Variants in SDK1 observed in about 807,000 individuals in gnomAD.
SDK1 encodes sidekick cell adhesion molecule 1, also known as protein sidekick-1.
In SDK1, 157 loss-of-function variants were observed where a neutral mutation model predicts 245.5. That is an observed-to-expected ratio of 0.64 (90% CI 0.56 to 0.73). The LOEUF is 0.73. SDK1 is among the 30% of genes least tolerant of loss of function. The pLI is 0.00. For synonymous variants in SDK1, 1,647 were observed against 1,278.5 expected (o/e 1.29, Z -6.15); for missense variants, 3,583 against 3,002.3 (o/e 1.19, Z -4.52).
intron 5 of SDK1, among the ~76,000 whole-genome samples, chr7:3,872,009 A>T (rs574015156): frequency 1.2e-3 from 178 of 152,288 alleles, no homozygotes; most frequent in Non-Finnish European, 1.9e-3. Flanking sequence ...AGTTTTTGTT[A>T]TGAACTTTCT....
rs754101246 is a variant in SDK1 at position 3,945,899 on chromosome 7, TAAAAAAAAAAAAAAAA to T, written c.848-5005_848-4990del. Among the ~76,000 whole-genome samples the T allele has an allele frequency of 6.1e-3, 84 of 13,686 alleles. 2 individuals carry two copies. In the South Asian group the frequency reaches 0.068, roughly 11 times the overall value. The allele number at this position is 13,686 out of a possible 152,430, so 9.0% of individuals were successfully genotyped here. On this transcript the variant is annotated intron_variant, in intron 5 of 44. Coordinates refer to ENST00000404826, the MANE Select transcript of SDK1 (RefSeq NM_152744.4). ...GGGCAACAGAGCAAGACTCTGTCTG[TAAAAAAAAAAAAAAAA>T]AAAAAAAAAAAAAAAAAAGATAAAG...
chr7:3,885,919 A>G (rs541878263), intron 5 of SDK1, among the ~76,000 whole-genome samples: 2 of 152,308 alleles, frequency 1.3e-5, no homozygotes, highest in Admixed American at 6.5e-5. Context: ...GAATTCTCCC[A>G]CTTACTCCTA....
chr7:3,740,811 AT>A (rs1779456621), intron 4 of SDK1, among the ~76,000 whole-genome samples: 1 of 152,306 alleles, frequency 6.6e-6, no homozygotes, highest in South Asian at 2.1e-4. Flanking sequence ...AAAAATGTTG[AT>A]TTCACAATTT....
chr7:4,145,028 T>C (rs1584282727), intron 28 of SDK1, among the ~76,000 whole-genome samples: 1 of 151,384 alleles, frequency 6.6e-6, no homozygotes, highest in Non-Finnish European at 1.5e-5. Flanking sequence ...TGGAGAGGAG[T>C]GATCGTTAAT....
At chr7:3,746,970 G>A (rs1472395788) in intron 4 of SDK1, among the ~76,000 whole-genome samples, 1 of 152,196 alleles carries the variant, frequency 6.6e-6, no homozygotes, top group Non-Finnish European at 1.5e-5. Context: ...GTCATCATCC[G>A]TGGCAGCTAT....
chr7:3,377,879 A>G (rs1259999810), intron 1 of SDK1, among the ~76,000 whole-genome samples: 1 of 152,112 alleles, frequency 6.6e-6, no homozygotes, highest in Non-Finnish European at 1.5e-5. Context: ...CCTGGGCTCA[A>G]GCAATTCTCC....
At chr7:3,694,025 G>A (rs1433468359) in intron 4 of SDK1, among the ~76,000 whole-genome samples, 1 of 152,092 alleles carries the variant, frequency 6.6e-6, no homozygotes, top group African/African-American at 2.4e-5. Flanking sequence ...CATTTTGTTT[G>A]TATCTTTCTT....
At chr7:3,317,819 T>C (rs1378737394) in intron 1 of SDK1, among the ~76,000 whole-genome samples, 1 of 152,238 alleles carries the variant, frequency 6.6e-6, no homozygotes, top group Non-Finnish European at 1.5e-5. Flanking sequence ...TATTTGGCTT[T>C]GGTAAACTAG....
chr7:4,066,236 C>G (rs969305540), intron 19 of SDK1, among the ~76,000 whole-genome samples: 10 of 152,236 alleles, frequency 6.6e-5, no homozygotes, highest in African/African-American at 2.4e-4. Flanking sequence ...GAACGGGTAT[C>G]TGGAGGGGTA....
chr7:3,947,584 A>G (rs1453588116), intron 5 of SDK1, among the ~76,000 whole-genome samples: 1 of 148,704 alleles, frequency 6.7e-6, no homozygotes, highest in Non-Finnish European at 1.5e-5. Context: ...TTTTGTAAAC[A>G]TGGGGTTTCA....
chr7:3,410,058 G>T (rs1369593010), intron 1 of SDK1, among the ~76,000 whole-genome samples: 1 of 152,076 alleles, frequency 6.6e-6, no homozygotes, highest in Non-Finnish European at 1.5e-5. Flanking sequence ...AGAATGAAAT[G>T]AATTGATATA....
chr7:3,789,374 C>T (rs1276301440), intron 4 of SDK1, among the ~76,000 whole-genome samples: 2 of 152,214 alleles, frequency 1.3e-5, no homozygotes, highest in African/African-American at 4.8e-5. Flanking sequence ...TCTCCAACCC[C>T]CGACCTCAGG....
intron 1 of SDK1, among the ~76,000 whole-genome samples, chr7:3,613,935 G>A (rs958955624): frequency 1.3e-5 from 2 of 152,258 alleles, no homozygotes; most frequent in Admixed American, 1.3e-4. Context: ...AGAACACATG[G>A]ACACAGAGAG....
chr7:4,017,161 C>T lies in SDK1; in HGVS notation c.2421-10C>T, dbSNP rs762357210. ...TTTCCTTATCGTGATGGGCTTCCTT[C>T]GTGGCGCAGGTACCGCCTGGCTGGC... On this transcript the variant is annotated splice_polypyrimidine_tract_variant and intron_variant, in intron 16 of 44. Coordinates refer to ENST00000404826, the MANE Select transcript of SDK1 (RefSeq NM_152744.4). 20 of 1,597,694 alleles carry T rather than the reference C, an allele frequency of 1.3e-5. No individual in the cohort carries two copies. The highest frequency in any genetic ancestry group is 1.5e-5 in the Non-Finnish European group (17 of 1,171,574).
chr7:3,645,176 A>T (rs1304551410), intron 4 of SDK1, among the ~76,000 whole-genome samples: 8 of 152,238 alleles, frequency 5.3e-5, no homozygotes, highest in African/African-American at 1.9e-4. Flanking sequence ...ATACATGCTA[A>T]AGCCTGTTTA....
At chr7:3,486,961 G>A (rs753665028) in intron 1 of SDK1, among the ~76,000 whole-genome samples, 10 of 152,120 alleles carry the variant, frequency 6.6e-5, no homozygotes, top group Non-Finnish European at 1.2e-4. Flanking sequence ...GCTTTGCTAA[G>A]ATTGTATTAG....
chr7:3,369,162 A>G (rs927226245), intron 1 of SDK1, among the ~76,000 whole-genome samples: 6 of 151,864 alleles, frequency 4.0e-5, no homozygotes, highest in African/African-American at 1.5e-4. Context: ...GTCATGCCTC[A>G]GTTTCCTTAG....
chr7:3,680,419 C>T (rs184745457), intron 4 of SDK1, among the ~76,000 whole-genome samples: 1 of 152,166 alleles, frequency 6.6e-6, no homozygotes, highest in East Asian at 1.9e-4. Flanking sequence ...TATAAATGCG[C>T]ACGTGATAAA....
chr7:3,514,708 A>G (rs1782684544), intron 1 of SDK1, among the ~76,000 whole-genome samples: 1 of 152,182 alleles, frequency 6.6e-6, no homozygotes, highest in Non-Finnish European at 1.5e-5. Flanking sequence ...GAATATTGCC[A>G]AGTAGTACTT....
Sources: allele counts gnomAD v4.1 joint callset (sites outside exome capture counted in the v4.1 genomes callset), GRCh38; gene constraint gnomAD v4.1.1; transcripts MANE v1.5; gene names NCBI Gene and HGNC (gene_info 2026-07-23, HGNC 2026-07-21).